The following CTNNA2 variants were observed in gnomAD, a reference collection of about 807,000 sequenced individuals.
CTNNA2 encodes the protein catenin alpha 2.
A neutral mutation model predicts 101.0 loss-of-function variants in CTNNA2; 42 were observed. The observed-to-expected ratio is 0.42, with a 90% CI of 0.32 to 0.54. The LOEUF is 0.54. Among genes scored for constraint, CTNNA2 ranks in the 20% least tolerant of loss-of-function variants. The probability of loss-of-function intolerance (pLI) is 0.14; values close to 1 mark genes in which losing one functional copy is unlikely to be tolerated. For missense variants in CTNNA2, 871 were observed against 1,223.1 expected (o/e 0.71, Z 4.29); for synonymous variants, 450 against 456.4 (o/e 0.99, Z 0.18).
chr2:80,576,687 T>C (rs1268656215), intron 13 of CTNNA2, among the ~76,000 whole-genome samples: 5 of 150,310 alleles, frequency 3.3e-5, no homozygotes. Flanking sequence ...GACACCTTCT[T>C]TAATATGTAT....
At chr2:80,444,354 G>A (rs540163964) in intron 9 of CTNNA2, among the ~76,000 whole-genome samples, 2 of 152,322 alleles carry the variant, frequency 1.3e-5, no homozygotes, top group Admixed American at 6.5e-5. Context: ...TGGTGGGAAT[G>A]ATAGGTAGGG....
At chr2:79,898,721 T>C (rs529060645) in intron 6 of CTNNA2, among the ~76,000 whole-genome samples, 1 of 152,260 alleles carries the variant, frequency 6.6e-6, no homozygotes, top group East Asian at 1.9e-4. Context: ...TGGAGGAAAA[T>C]GAGAAGTACT....
At chr2:79,998,741 G>C (rs1330823257) in intron 7 of CTNNA2, among the ~76,000 whole-genome samples, 1 of 152,130 alleles carries the variant, frequency 6.6e-6, no homozygotes, top group Non-Finnish European at 1.5e-5. Flanking sequence ...CCCTTTAAAA[G>C]TATATATTAA....
Position 80,040,234 on chromosome 2 carries a change from G to A in CTNNA2, c.1056+130437G>A, listed in dbSNP as rs1695949347. On this transcript the variant is annotated intron_variant, in intron 7 of 18. Coordinates refer to ENST00000402739, the MANE Select transcript of CTNNA2 (RefSeq NM_001282597.3). ...GAGTTTAATTTTGTATTATTTATAAGCAATATCACCTCTCCAGAATAATGA... is the reference window on the plus strand; with the variant it reads ...GAGTTTAATTTTGTATTATTTATAAACAATATCACCTCTCCAGAATAATGA... Among the ~76,000 whole-genome samples, 3 of 152,068 alleles carry A rather than the reference G, an allele frequency of 2.0e-5. 1 individual carries two copies. The South Asian group carries it at 6.2e-4, about 32-fold the overall frequency.
In CTNNA2 at chr2:79,778,579, GTATATACA is replaced by G. The variant is rs200645246; in HGVS notation, c.298+34008_298+34015del. 7.1e-3 allele frequency among the ~76,000 whole-genome samples: 1,077 copies of G among 151,962 alleles called. 9 individuals are homozygous for G. Among genetic ancestry groups the G allele is most frequent in the South Asian group, 0.016 (75 of 4,808 alleles). On this transcript the variant is annotated intron_variant, in intron 3 of 18. Coordinates refer to ENST00000402739, the MANE Select transcript of CTNNA2 (RefSeq NM_001282597.3). ...ATATACACATGCATAAAACATATAC[GTATATACA>G]TATATACATACATATATACACACAT...
intron 6 of CTNNA2, among the ~76,000 whole-genome samples, chr2:79,896,175 T>G (rs572515090): frequency 3.9e-5 from 6 of 152,034 alleles, no homozygotes; most frequent in Non-Finnish European, 2.9e-5. Flanking sequence ...CCCAGCTGTT[T>G]GGGAGGCTGG....
chr2:79,909,858 CT>C, intron 7 of CTNNA2, 61 bp downstream of exon 7: 1 of 1,478,728 alleles, frequency 6.8e-7, no homozygotes, highest in East Asian at 2.3e-5. Context: ...TCGTGTTGCT[CT>C]TTTGGAAGCA....
chr2:79,303,095 TTATTA>T (rs1676151599), intron 2 of CTNNA2, among the ~76,000 whole-genome samples: 2 of 152,142 alleles, frequency 1.3e-5, no homozygotes, highest in African/African-American at 4.8e-5. Flanking sequence ...ATTGTTGTTA[TTATTA>T]TTTTCAGTTT....
intron 7 of CTNNA2, among the ~76,000 whole-genome samples, chr2:80,049,918 T>TAA (rs1696761572): frequency 6.6e-6 from 1 of 152,196 alleles, no homozygotes; most frequent in East Asian, 1.9e-4. Flanking sequence ...GAATTGCCCC[T>TAA]CCCCTCTAAA....
chr2:79,353,760 G>A (rs1677445207), intron 3 of CTNNA2, among the ~76,000 whole-genome samples: 1 of 152,102 alleles, frequency 6.6e-6, no homozygotes, highest in Admixed American at 6.6e-5. Flanking sequence ...GCTATATTGT[G>A]TCTGTGAGCT....
At chr2:79,650,455 G>A (rs922973835) in intron 1 of CTNNA2, among the ~76,000 whole-genome samples, 3 of 151,766 alleles carry the variant, frequency 2.0e-5, no homozygotes, top group Admixed American at 6.6e-5. Context: ...ATATTCTCAG[G>A]GGTCAGTTAT....
At chr2:80,279,713 A>T (rs762627185) in intron 7 of CTNNA2, among the ~76,000 whole-genome samples, 8 of 152,110 alleles carry the variant, frequency 5.3e-5, no homozygotes, top group Non-Finnish European at 7.4e-5. Flanking sequence ...CCTGCATGGT[A>T]TTACATAGAA....
intron 7 of CTNNA2, among the ~76,000 whole-genome samples, chr2:80,205,456 G>A (rs1320632082): frequency 9.2e-5 from 14 of 152,170 alleles, no homozygotes; most frequent in Non-Finnish European, 2.1e-4. Context: ...TCCAGAGGCA[G>A]CAGATAAAGA....
chr2:80,430,896 G>T (rs2149425291), intron 9 of CTNNA2, among the ~76,000 whole-genome samples: 1 of 152,150 alleles, frequency 6.6e-6, no homozygotes, highest in East Asian at 1.9e-4. Context: ...TTCTGCAACT[G>T]TTGAAAGGTG....
intron 3 of CTNNA2, among the ~76,000 whole-genome samples, chr2:79,789,318 A>G (rs1416248679): frequency 6.6e-6 from 1 of 152,154 alleles, no homozygotes; most frequent in African/African-American, 2.4e-5. Context: ...AGAAGGCACA[A>G]TGTGTCAGGG....
chr2:79,370,661 A>T (rs557261592), intron 3 of CTNNA2, among the ~76,000 whole-genome samples: 1 of 152,134 alleles, frequency 6.6e-6, no homozygotes, highest in African/African-American at 2.4e-5. Context: ...GAACCCACTG[A>T]GAATATAATT....
At chr2:79,501,771 T>C (rs1197304800) in intron 4 of CTNNA2, among the ~76,000 whole-genome samples, 1 of 152,140 alleles carries the variant, frequency 6.6e-6, no homozygotes, top group Non-Finnish European at 1.5e-5. Context: ...TGCCTCATCA[T>C]GTATCTTATG....
At chr2:80,126,408 C>A (rs34699617) in intron 7 of CTNNA2, among the ~76,000 whole-genome samples, 5,451 of 151,966 alleles carry the variant, frequency 0.036, 313 homozygotes, top group African/African-American at 0.12. Context: ...TCTTCTCTGG[C>A]CCATCTTCTG....
At chr2:79,954,321 C>T (rs549585502) in intron 7 of CTNNA2, among the ~76,000 whole-genome samples, 29 of 152,178 alleles carry the variant, frequency 1.9e-4, no homozygotes, top group African/African-American at 7.0e-4. Context: ...AAATACGTAG[C>T]AATTTATAAT....
Sources: gnomAD v4.1 joint callset for allele counts (sites outside exome capture counted in the v4.1 genomes callset) on GRCh38, gnomAD v4.1.1 for gene constraint, MANE v1.5 for transcripts, NCBI Gene and HGNC (gene_info 2026-07-23, HGNC 2026-07-21) for gene names.